Variants in RBFOX2 observed in about 807,000 individuals in gnomAD.
The protein encoded by RBFOX2 is RNA binding protein fox-1 homolog 2.
A neutral mutation model predicts 49.1 loss-of-function variants in RBFOX2; 10 were observed. The observed-to-expected ratio is 0.20, with a 90% CI of 0.13 to 0.35. The LOEUF is 0.35. Among genes scored for constraint, RBFOX2 ranks in the 10% least tolerant of loss-of-function variants. RBFOX2 has a pLI of 1.00. For missense variants in RBFOX2, 323 were observed against 486.9 expected, an observed-to-expected ratio of 0.66 and a Z score of 3.17; for synonymous variants, 183 against 187.4, an observed-to-expected ratio of 0.98 and a Z score of 0.19.
rs1005564835 is a variant in RBFOX2, at chr22:35,921,657, G to A, written c.-34+17190C>T. 4.6e-5 allele frequency among the ~76,000 whole-genome samples: 7 copies of A among 152,288 alleles called. No homozygotes were observed. The East Asian group carries it at 1.2e-3, about 25-fold the overall frequency. The stretch of plus-strand genomic sequence containing the variant: ...TTACAACATGGGATAATTCACCCCA[G>A]CACATTGAGGGAATTGGTCTTCCAC... On this transcript the variant is annotated intron_variant, in intron 1 of 13. Coordinates refer to the RBFOX2 transcript ENST00000359369.
At chr22:35,852,366 A>G (rs1307385541) in intron 1 of RBFOX2, among the ~76,000 whole-genome samples, 1 of 152,062 alleles carries the variant, frequency 6.6e-6, no homozygotes, top group East Asian at 1.9e-4. Flanking sequence ...TAAAATGGTA[A>G]TTAAGAAATA....
rs1004503060 is a variant in RBFOX2 at position 35,801,471 on chromosome 22, T to TC, written c.252+8308dup. Among the ~76,000 whole-genome samples the TC allele has an allele frequency of 2.0e-5, 3 of 149,416 alleles. No homozygotes were observed. The South Asian group carries it at 6.4e-4, about 32-fold the overall frequency. On this transcript the variant is annotated intron_variant, in intron 2 of 11. Coordinates refer to ENST00000405409, the Ensembl canonical transcript of RBFOX2. ...CACTCTCTCTCTCTCTCTCTCTCCCTCCCCCCGCCAAAAGTAAATAAATGG... is the reference window on the plus strand; with the variant it reads ...CACTCTCTCTCTCTCTCTCTCTCCCTCCCCCCCGCCAAAAGTAAATAAATGG...
chr22:35,831,017 G>T lies in RBFOX2; in HGVS notation c.27+9175C>A, dbSNP rs539521195. ...ATGAAGCTATATGGGAAAACCTTAC[G>T]TATGCTATAAAGGAAATTGCGAGGT... On this transcript the variant is annotated intron_variant, in intron 1 of 11. Transcript: ENST00000405409. Among the ~76,000 whole-genome samples, 5 of 152,210 alleles carry T rather than the reference G, an allele frequency of 3.3e-5. No homozygotes were observed. In the South Asian group the frequency reaches 1.0e-3, roughly 32 times the overall value.
At chr22:35,912,912 A>C (rs2049988771) in intron 1 of RBFOX2, among the ~76,000 whole-genome samples, 1 of 152,206 alleles carries the variant, frequency 6.6e-6, no homozygotes, top group Non-Finnish European at 1.5e-5. Flanking sequence ...AACCCCTCTT[A>C]ACCTGTTTTG....
In RBFOX2 at chr22:35,890,730, T is replaced by C. The variant is rs573910545; in HGVS notation, c.-34+48117A>G. Among the ~76,000 whole-genome samples, 8 of 152,182 alleles carry C rather than the reference T, an allele frequency of 5.3e-5. No individual in the cohort carries two copies. In the South Asian group the frequency reaches 1.5e-3, roughly 28 times the overall value. On this transcript the variant is annotated intron_variant, in intron 1 of 13. Transcript: ENST00000359369. Reference sequence around the variant, plus strand: ...AATATCTGCTTTCTCATCTGTAAAATGAAGATAATAGCTAACACTCAGGTG... The same window carrying C: ...AATATCTGCTTTCTCATCTGTAAAACGAAGATAATAGCTAACACTCAGGTG...
chr22:36,001,894 T>A (rs976802088), intron 1 of RBFOX2, among the ~76,000 whole-genome samples: 7 of 151,896 alleles, frequency 4.6e-5, no homozygotes, highest in African/African-American at 1.7e-4. Flanking sequence ...TGAAACCCCG[T>A]CTCTACTAAA....
chr22:35,835,330 C>T (rs1457553923), intron 1 of RBFOX2, among the ~76,000 whole-genome samples: 1 of 152,174 alleles, frequency 6.6e-6, no homozygotes, highest in Non-Finnish European at 1.5e-5. Flanking sequence ...CCTAGTATGA[C>T]TGGTTCCCAG....
At chr22:35,879,725 A>G (rs2045624240) in intron 1 of RBFOX2, among the ~76,000 whole-genome samples, 1 of 152,184 alleles carries the variant, frequency 6.6e-6, no homozygotes, top group Non-Finnish European at 1.5e-5. Context: ...TCAGATTTAT[A>G]TTTTCAAAGG....
chr22:35,927,119 A>G (rs1035745468), intron 1 of RBFOX2, among the ~76,000 whole-genome samples: 1 of 152,222 alleles, frequency 6.6e-6, no homozygotes, highest in African/African-American at 2.4e-5. Flanking sequence ...ATGTTCATAC[A>G]GACATGTTAA....
upstream of RBFOX2, among the ~76,000 whole-genome samples, chr22:35,963,567 T>C (rs1045769951): frequency 1.1e-4 from 17 of 152,196 alleles, no homozygotes; most frequent in Non-Finnish European, 2.2e-4. Context: ...TGACTTATTA[T>C]GAAGAAATCT....
intron 2 of RBFOX2, among the ~76,000 whole-genome samples, chr22:35,792,035 T>C (rs921683246): frequency 2.0e-5 from 3 of 151,990 alleles, no homozygotes; most frequent in African/African-American, 2.4e-5. Context: ...AGGCAACTAT[T>C]GCTGGGTGTG....
chr22:35,765,329 C>CT (rs1940589104), intron 6 of RBFOX2, 94 bp downstream of exon 7: 2 of 924,698 alleles, frequency 2.2e-6, no homozygotes, highest in Admixed American at 2.7e-5. Context: ...ATCAAACTGT[C>CT]TTAAGACGGA....
At chr22:35,869,595 ATTC>A (rs2044120391) in intron 1 of RBFOX2, among the ~76,000 whole-genome samples, 1 of 146,632 alleles carries the variant, frequency 6.8e-6, no homozygotes. Context: ...AAGTGCTGGG[ATTC>A]TAGGCGTGAG....
chr22:35,853,877 C>T (rs372552149), intron 1 of RBFOX2, among the ~76,000 whole-genome samples: 2 of 152,070 alleles, frequency 1.3e-5, no homozygotes, highest in African/African-American at 4.8e-5. Flanking sequence ...ACTTTCAATA[C>T]AAGTACTTTA....
At chr22:35,816,969 C>A (rs1403232716) in intron 1 of RBFOX2, among the ~76,000 whole-genome samples, 1 of 152,154 alleles carries the variant, frequency 6.6e-6, no homozygotes, top group Non-Finnish European at 1.5e-5. Context: ...TAAAAATGCA[C>A]ATGTCAAGAT....
chr22:35,799,288 T>C (rs1949339265), intron 2 of RBFOX2, among the ~76,000 whole-genome samples: 1 of 152,196 alleles, frequency 6.6e-6, no homozygotes, highest in South Asian at 2.1e-4. Flanking sequence ...ACTGAGGTCC[T>C]TTTTTCTCTG....
intron 1 of RBFOX2, among the ~76,000 whole-genome samples, chr22:35,929,320 C>T (rs1382230298): frequency 6.6e-6 from 1 of 151,756 alleles, no homozygotes; most frequent in African/African-American, 2.4e-5. Flanking sequence ...ATGAGTTTAC[C>T]ATTGCCTCAG....
intron 2 of RBFOX2, 128 bp downstream of exon 3, chr22:35,809,652 G>T: frequency 9.9e-7 from 1 of 1,014,700 alleles, no homozygotes; most frequent in Non-Finnish European, 1.5e-6. Flanking sequence ...GCTGTTGAGA[G>T]AAGGTGTAAA....
intron 1 of RBFOX2, among the ~76,000 whole-genome samples, chr22:35,936,777 CT>C (rs1298021504): frequency 6.6e-6 from 1 of 152,136 alleles, no homozygotes; most frequent in East Asian, 1.9e-4. Context: ...AAAGAGACTA[CT>C]TTTTTAGGCT....
Sources: allele counts gnomAD v4.1 joint callset (sites outside exome capture counted in the v4.1 genomes callset), GRCh38; gene constraint gnomAD v4.1.1; transcripts MANE v1.5; gene names NCBI Gene and HGNC (gene_info 2026-07-23, HGNC 2026-07-21).